ANGPTL8: variants seen among roughly 807,000 people sequenced by gnomAD.
ANGPTL8 encodes the protein angiopoietin-like protein 8.
In ANGPTL8, 24 loss-of-function variants were observed where a neutral mutation model predicts 22.6. That is an observed-to-expected ratio of 1.06 (90% CI 0.77 to 1.49). ANGPTL8 has a LOEUF of 1.49. Ranked by LOEUF, ANGPTL8 falls within the 40% of genes most tolerant of loss-of-function variation. ANGPTL8 has a pLI of 0.00. For synonymous variants in ANGPTL8, 88 were observed against 113.4 expected (o/e 0.78, Z 1.42); for missense variants, 230 against 259.6 (o/e 0.89, Z 0.78).
chr19:11,239,730 G>A lies in ANGPTL8; in HGVS notation c.93G>A (p.Gln31=). 1 of 1,613,314 alleles carries A rather than the reference G, an allele frequency of 6.2e-7. No homozygotes were observed. Among genetic ancestry groups the A allele is most frequent in the South Asian group, 1.1e-5 (1 of 91,010 alleles). ...CCATGGGCGGCCCAGAACTGGCACA[G>A]CATGAGGAGCTGACCCTGCTCTTCC... ...AAPMGGPELA[Q]HEELTLLFHG... Residue 31 remains glutamine (Q), a synonymous_variant, in exon 1 of 4, where the codon CAG becomes CAA. Coordinates refer to ENST00000252453, the MANE Select transcript of ANGPTL8 (RefSeq NM_018687.7).
In ANGPTL8 at chr19:11,240,186, G is replaced by A; in HGVS notation, c.349G>A (p.Gly117Arg). The change falls in exon 2 of 4, where the codon GGG (glycine) becomes AGG (arginine). Residue 117 changes from glycine to arginine, a missense_variant. Transcript: ENST00000252453. Reference sequence around the variant, plus strand: ...GGCAGAGGCCACAGCTGAGGTGCTGGGGGAGGTGGCCCAGGCACAGAAGGT... The same window carrying A: ...GGCAGAGGCCACAGCTGAGGTGCTGAGGGAGGTGGCCCAGGCACAGAAGGT... ...LQAEATAEVL[G>R]EVAQAQKVLR... The A allele has an allele frequency of 6.4e-7, 1 of 1,554,626 alleles. No homozygotes were observed. The highest frequency in any genetic ancestry group is 8.7e-7 in the Non-Finnish European group (1 of 1,148,764).
At position 11,241,543 on chromosome 19, in the gene ANGPTL8, G is replaced by A. The variant is rs541334378; in HGVS notation, c.558G>A (p.Gln186=). ...EMVAQQHRLR[Q]IQERLHTAAL... ...TGGCACAGCAGCATCGGCTGCGACA[G>A]ATCCAGGAGAGGTGAGCCTGGCAGG... Residue 186 remains glutamine (Q), a synonymous_variant, in exon 3 of 4, where the codon CAG becomes CAA. Transcript: ENST00000252453. 8.4e-6 allele frequency: 13 copies of A among 1,553,346 alleles called. No individual in the cohort carries two copies. In the Admixed American group the frequency reaches 2.5e-4, roughly 30 times the overall value.
chr19:11,240,666 A>T (rs1223605852), intron 2 of ANGPTL8, among the ~76,000 whole-genome samples: 2 of 145,478 alleles, frequency 1.4e-5, no homozygotes, highest in Non-Finnish European at 3.0e-5. Context: ...TGCAACCTCC[A>T]CCTCCTAGGT....
At chr19:11,241,154 G>A (rs2079937362) in intron 2 of ANGPTL8, among the ~76,000 whole-genome samples, 1 of 151,872 alleles carries the variant, frequency 6.6e-6, no homozygotes, top group Non-Finnish European at 1.5e-5. Context: ...GCTTAGGTAG[G>A]AGAATCGCTT....
At position 11,241,815 on chromosome 19, in the gene ANGPTL8, C is replaced by A; in HGVS notation, c.*128C>A. ...CAGGGCGCCGGGCCCCACTTCTGAG[C>A]ACAGAGCAGAGACAGACGCAGGCGG... On this transcript the variant is annotated 3_prime_UTR_variant, in exon 4 of 4. Coordinates refer to ENST00000252453, the MANE Select transcript of ANGPTL8 (RefSeq NM_018687.7). 1 of 1,462,194 alleles carries A rather than the reference C, an allele frequency of 6.8e-7. No individual in the cohort carries two copies. Among genetic ancestry groups the A allele is most frequent in the East Asian group, 2.5e-5 (1 of 40,500 alleles). The allele number at this position is 1,462,194 out of a possible 1,614,324, so 90.6% of individuals were successfully genotyped here.
Position 11,239,649 on chromosome 19 carries a change from TG to T in ANGPTL8, c.13del (p.Ala5LeufsTer11). 1 of 1,613,736 alleles carries T rather than the reference TG, an allele frequency of 6.2e-7. No homozygotes were observed. The highest frequency in any genetic ancestry group is 8.5e-7 in the Non-Finnish European group (1 of 1,179,818). On this transcript the variant is annotated frameshift_variant, in exon 1 of 4. Transcript: ENST00000252453. LOFTEE classifies it high-confidence loss of function. MPVP[A>X]LCLLWALAMV... is the part of the protein sequence containing the mutation. Reference sequence around the variant, plus strand: ...TTAGACCCTCAGTCATGCCAGTGCCTGCTCTGTGCCTGCTCTGGGCCCTGGC... The same window carrying T: ...TTAGACCCTCAGTCATGCCAGTGCCTCTCTGTGCCTGCTCTGGGCCCTGGC...
At position 11,241,753 on chromosome 19, in the gene ANGPTL8, C is replaced by T. The variant is rs2079948983; in HGVS notation, c.*66C>T. On this transcript the variant is annotated 3_prime_UTR_variant, in exon 4 of 4. Coordinates refer to ENST00000252453, the MANE Select transcript of ANGPTL8 (RefSeq NM_018687.7). The stretch of plus-strand genomic sequence containing the variant: ...AACACTTCCACGCCCCGTGAGGCCC[C>T]TGTGCAGGGAGGAGCTGCCTGTTCA... The T allele has an allele frequency of 1.0e-5, 16 of 1,552,176 alleles. No individual in the cohort carries two copies. The highest frequency in any genetic ancestry group is 3.3e-4 in the Middle Eastern group (2 of 5,982).
chr19:11,240,582 C>CTTT (rs869249463), intron 2 of ANGPTL8, among the ~76,000 whole-genome samples: 3 of 136,360 alleles, frequency 2.2e-5, no homozygotes, highest in Non-Finnish European at 3.2e-5. Context: ...TCAATAAATT[C>CTTT]TTTTTTTTTT....
In ANGPTL8 at chr19:11,241,528, G is replaced by T; in HGVS notation, c.543G>T (p.Gln181His). The T allele has an allele frequency of 6.4e-7, 1 of 1,552,824 alleles. No homozygotes were observed. Among genetic ancestry groups the T allele is most frequent in the Non-Finnish European group, 8.7e-7 (1 of 1,147,672 alleles). Reference sequence around the variant, plus strand: ...AGAGGCGGGAGATGGTGGCACAGCAGCATCGGCTGCGACAGATCCAGGAGA... The same window carrying T: ...AGAGGCGGGAGATGGTGGCACAGCATCATCGGCTGCGACAGATCCAGGAGA... The part of the protein sequence containing the change: ...QRQRREMVAQ[Q>H]HRLRQIQERL... The change falls in exon 3 of 4, where the codon CAG (glutamine) becomes CAT (histidine). Residue 181 changes from glutamine to histidine, a missense_variant. Gln to His is a conservative substitution (Grantham distance 24). Coordinates refer to ENST00000252453, the MANE Select transcript of ANGPTL8 (RefSeq NM_018687.7).
rs746415379 is a variant in ANGPTL8 at position 11,239,643 on chromosome 19, AGTGCCTGCTCT to A, written c.19_29del (p.Cys7GlyfsTer23). 24 of 1,613,674 alleles carry A rather than the reference AGTGCCTGCTCT, an allele frequency of 1.5e-5. No individual in the cohort carries two copies. Among genetic ancestry groups the A allele is most frequent in the East Asian group, 2.2e-5 (1 of 44,904 alleles). ...TATACCTTAGACCCTCAGTCATGCC[AGTGCCTGCTCT>A]GTGCCTGCTCTGGGCCCTGGCAATG... On this transcript the variant is annotated frameshift_variant, in exon 1 of 4. Coordinates refer to ENST00000252453, the MANE Select transcript of ANGPTL8 (RefSeq NM_018687.7). LOFTEE classifies it high-confidence loss of function.
At chr19:11,240,906 T>C (rs2079933373) in intron 2 of ANGPTL8, among the ~76,000 whole-genome samples, 1 of 152,026 alleles carries the variant, frequency 6.6e-6, no homozygotes, top group Non-Finnish European at 1.5e-5. Flanking sequence ...GGTAACATTT[T>C]GTGAGCACCC....
At chr19:11,240,531 C>A (rs1020102616) in intron 2 of ANGPTL8, among the ~76,000 whole-genome samples, 6 of 151,816 alleles carry the variant, frequency 4.0e-5, no homozygotes, top group African/African-American at 1.5e-4. Flanking sequence ...GTACTCAATG[C>A]AGGTAAAATA....
At position 11,241,878 on chromosome 19, in the gene ANGPTL8, TGGAGGAA is replaced by T. The variant is rs147901167; in HGVS notation, c.*195_*201del. On this transcript the variant is annotated 3_prime_UTR_variant, in exon 4 of 4. Transcript: ENST00000252453. ...AGGATGTAGCCCCATTGGGGAGGGG[TGGAGGAA>T]GGACATGTACCCTTTCATGCCTACA... 1.9e-4 allele frequency: 242 copies of T among 1,254,136 alleles called. No homozygotes were observed. In the African/African-American group the frequency reaches 3.3e-3, roughly 17 times the overall value. 77.7% of individuals were successfully genotyped at this position (1,254,136 alleles called of 1,614,324 possible). A position where few individuals can be genotyped will look rare whatever the true frequency, so the allele number is the denominator to read the frequency against.
intron 1 of ANGPTL8, 38 bp from the exon 2 acceptor site, chr19:11,240,097 T>C (rs1218229019): frequency 1.9e-6 from 3 of 1,550,974 alleles, no homozygotes; most frequent in South Asian, 2.4e-5. Context: ...CAAAGATGAG[T>C]TGGACATCCT....
chr19:11,241,532 C>T lies in ANGPTL8; in HGVS notation c.547C>T (p.Arg183Trp), dbSNP rs747781883. ...GCGGGAGATGGTGGCACAGCAGCAT[C>T]GGCTGCGACAGATCCAGGAGAGGTG... is the stretch of plus-strand genomic sequence containing the variant. ...QRREMVAQQH[R>W]LRQIQERLHT... The change falls in exon 3 of 4, where the codon CGG becomes TGG. Residue 183 changes from arginine (R) to tryptophan (W), a missense_variant. Transcript: ENST00000252453. The T allele has an allele frequency of 2.8e-5, 44 of 1,552,724 alleles. No individual in the cohort carries two copies. The highest frequency in any genetic ancestry group is 4.8e-5 in the South Asian group (4 of 84,142).
chr19:11,240,092 A>G (rs10164278), intron 1 of ANGPTL8, 43 bp from the exon 2 acceptor site: 1 of 1,550,980 alleles, frequency 6.4e-7, no homozygotes, highest in East Asian at 2.4e-5. Flanking sequence ...GTACACAAAG[A>G]TGAGTTGGAC....
At chr19:11,240,391 C>A in intron 2 of ANGPTL8, 95 bp downstream of exon 2, 2 of 1,299,014 alleles carry the variant, frequency 1.5e-6, no homozygotes, top group Non-Finnish European at 2.1e-6. Context: ...CCAGATCAGC[C>A]TCCCAGCTCT....
At position 11,240,006 on chromosome 19, in the gene ANGPTL8, C is replaced by A. The variant is rs1599263893; in HGVS notation, c.297+72C>A. On this transcript the variant is annotated intron_variant, in intron 1 of 3. Transcript: ENST00000252453. The stretch of plus-strand genomic sequence containing the variant: ...AGGAGTTCGTGTCTAGGGTAACCAA[C>A]CATCCTGGTTTGCCCAGGACTGAAG... 5.2e-6 allele frequency: 8 copies of A among 1,549,154 alleles called. No individual in the cohort carries two copies. In the East Asian group the frequency reaches 9.8e-5, roughly 19 times the overall value.
chr19:11,241,648 C>T lies in ANGPTL8; in HGVS notation c.570-12C>T, dbSNP rs146610047. ...CCCCCTCACCTGGGCTGAGCCACATCTCCCTCCCCAGACTCCACACAGCGG... is the reference window on the plus strand; with the variant it reads ...CCCCCTCACCTGGGCTGAGCCACATTTCCCTCCCCAGACTCCACACAGCGG... On this transcript the variant is annotated splice_polypyrimidine_tract_variant and intron_variant, in intron 3 of 3. Coordinates refer to ENST00000252453, the MANE Select transcript of ANGPTL8 (RefSeq NM_018687.7). The T allele has an allele frequency of 1.1e-3, 1,808 of 1,573,764 alleles. 16 individuals are homozygous for T. In the African/African-American group the frequency reaches 0.02, roughly 17 times the overall value.
Sources: allele counts gnomAD v4.1 joint callset (sites outside exome capture counted in the v4.1 genomes callset), GRCh38; gene constraint gnomAD v4.1.1; transcripts MANE v1.5; gene names NCBI Gene and HGNC (gene_info 2026-07-23, HGNC 2026-07-21).